The following B3GAT3 variants were observed in gnomAD, a reference collection of about 807,000 sequenced individuals.
B3GAT3 encodes the protein beta-1,3-glucuronyltransferase 3.
A neutral mutation model predicts 33.1 loss-of-function variants in B3GAT3; 19 were observed. The observed-to-expected ratio is 0.57, with a 90% CI of 0.40 to 0.84. The LOEUF is 0.84. B3GAT3 is among the 40% of genes least tolerant of loss of function. The pLI is 0.00. For missense variants in B3GAT3, 344 were observed against 441.5 expected, an observed-to-expected ratio of 0.78 and a Z score of 1.98; for synonymous variants, 167 against 193.5, an observed-to-expected ratio of 0.86 and a Z score of 1.14.
chr11:62,619,079 AGGT>A (rs763390706), intron 2 of B3GAT3, among the ~76,000 whole-genome samples: 36 of 150,966 alleles, frequency 2.4e-4, no homozygotes, highest in Non-Finnish European at 4.9e-4. Flanking sequence ...TGAACCCGGG[AGGT>A]GGAGGTTGCA....
At position 62,617,125 on chromosome 11, in the gene B3GAT3, C is replaced by A. The variant is rs752540533; in HGVS notation, c.480G>T (p.Gln160His). 5.6e-6 allele frequency: 9 copies of A among 1,614,060 alleles called. No individual in the cohort carries two copies. Among genetic ancestry groups the A allele is most frequent in the Non-Finnish European group, 7.6e-6 (9 of 1,180,016 alleles). The change falls in exon 3 of 5, where the codon CAG (glutamine) becomes CAT (histidine). Residue 160 changes from glutamine (Q) to histidine (H), a missense_variant. Physicochemically the swap from Gln to His is conservative, Grantham distance 24. Transcript: ENST00000265471. The part of the protein sequence containing the change: ...PGWVHPRGVE[Q>H]RNKALDWLRG... ...GGAGCCAGTCCAGGGCCTTGTTCCGCTGCTCGACACCACGGGGATGAACCC... is the reference window on the plus strand; with the variant it reads ...GGAGCCAGTCCAGGGCCTTGTTCCGATGCTCGACACCACGGGGATGAACCC...
chr11:62,619,516 AC>A (rs1451918964), intron 2 of B3GAT3, among the ~76,000 whole-genome samples: 3 of 151,934 alleles, frequency 2.0e-5, no homozygotes, highest in Middle Eastern at 3.4e-3. Context: ...CTATTTCTGG[AC>A]CCTAGTATGA....
At chr11:62,616,897 A>T in intron 3 of B3GAT3, 90 bp downstream of exon 3, 1 of 1,612,502 alleles carries the variant, frequency 6.2e-7, no homozygotes, top group South Asian at 1.1e-5. Context: ...CCAGCCCCTC[A>T]CCCAGCAGCC....
intron 4 of B3GAT3, chr11:62,616,017 G>A: frequency 7.2e-7 from 1 of 1,384,130 alleles, no homozygotes; most frequent in South Asian, 1.5e-5. Context: ...GCCGAGGAAG[G>A]CGGATCACGA....
Position 62,617,135 on chromosome 11 carries a change from C to G in B3GAT3, c.470G>C (p.Gly157Ala), listed in dbSNP as rs747073972. Residue 157 changes from glycine to alanine, a missense_variant, in exon 3 of 5, where the codon GGT (glycine) becomes GCT (alanine). Gly to Ala is a moderately conservative substitution (Grantham distance 60). Transcript: ENST00000265471. ...CAGGGCCTTGTTCCGCTGCTCGACA[C>G]CACGGGGATGAACCCAGCCAGGCTC... ...EGEPGWVHPR[G>A]VEQRNKALDW... 6.2e-7 allele frequency: 1 copy of G among 1,614,012 alleles called. No individual in the cohort carries two copies. The highest frequency in any genetic ancestry group is 1.3e-5 in the African/African-American group (1 of 75,032).
Position 62,621,876 on chromosome 11 carries a change from C to A in B3GAT3, c.72G>T (p.Leu24=). The A allele has an allele frequency of 1.2e-6, 2 of 1,612,568 alleles. No homozygotes were observed. Among genetic ancestry groups the A allele is most frequent in the African/African-American group, 1.3e-5 (1 of 74,902 alleles). The change falls in exon 1 of 5, where the codon CTG becomes CTT. Residue 24 remains leucine (L), a synonymous_variant. Transcript: ENST00000265471. ...CCCCGCCCCGCTCACCGAGCTGTAC[C>A]AGCGCGTAGAGGAGGCCGGCGATCG... is the stretch of plus-strand genomic sequence containing the variant. ...LVSIAGLLYA[L]VQLGQPCDCL...
chr11:62,619,372 G>A (rs564537815), intron 2 of B3GAT3, among the ~76,000 whole-genome samples: 3 of 152,034 alleles, frequency 2.0e-5, no homozygotes, highest in African/African-American at 7.3e-5. Flanking sequence ...TATGGCTACA[G>A]ATCCAAAACC....
In B3GAT3 at chr11:62,615,653, C is replaced by A; in HGVS notation, c.*48G>T. On this transcript the variant is annotated 3_prime_UTR_variant, in exon 5 of 5. Coordinates refer to ENST00000265471, the MANE Select transcript of B3GAT3 (RefSeq NM_012200.4). ...CCTGGGCAGGCCTGGGGCCCAGTCC[C>A]ACAAGGTCTGTGCCTGAAAAGAGGT... 1 of 1,595,922 alleles carries A rather than the reference C, an allele frequency of 6.3e-7. No homozygotes were observed. Among genetic ancestry groups the A allele is most frequent in the Non-Finnish European group, 8.5e-7 (1 of 1,172,866 alleles).
At chr11:62,621,574 C>T (rs1449019540) in intron 1 of B3GAT3, among the ~76,000 whole-genome samples, 1 of 152,134 alleles carries the variant, frequency 6.6e-6, no homozygotes, top group Non-Finnish European at 1.5e-5. Context: ...TGTCAGCAAG[C>T]CAGTCTGGCT....
At chr11:62,621,364 G>A (rs756464971) in intron 1 of B3GAT3, 2 of 455,648 alleles carry the variant, frequency 4.4e-6, no homozygotes, top group East Asian at 6.9e-5. Flanking sequence ...AATCAGGATA[G>A]AGAATAAAAG....
intron 1 of B3GAT3, among the ~76,000 whole-genome samples, chr11:62,621,626 G>A (rs1285738688): frequency 6.6e-6 from 1 of 152,236 alleles, no homozygotes; most frequent in Non-Finnish European, 1.5e-5. Flanking sequence ...GGTTGGGAGA[G>A]GCGGACGGCA....
At chr11:62,621,820 G>A in intron 1 of B3GAT3, 46 bp downstream of exon 1, 1 of 1,541,630 alleles carries the variant, frequency 6.5e-7, no homozygotes, top group Non-Finnish European at 8.7e-7. Flanking sequence ...CACGGCGGCG[G>A]GCGCCCTCGG....
chr11:62,619,999 G>T (rs575731524), intron 2 of B3GAT3, among the ~76,000 whole-genome samples: 10 of 152,128 alleles, frequency 6.6e-5, no homozygotes, highest in Admixed American at 3.9e-4. Flanking sequence ...TCTAGAAAAA[G>T]AACTATTTTT....
At chr11:62,620,995 G>A in intron 1 of B3GAT3, 2 of 527,920 alleles carry the variant, frequency 3.8e-6, no homozygotes, top group Non-Finnish European at 7.3e-6. Context: ...TCTTTTCAGA[G>A]TCCAAGGTGC....
chr11:62,615,813 G>A lies in B3GAT3; in HGVS notation c.910-14C>T. 1 of 1,612,842 alleles carries A rather than the reference G, an allele frequency of 6.2e-7. No individual in the cohort carries two copies. Among genetic ancestry groups the A allele is most frequent in the East Asian group, 2.2e-5 (1 of 44,882 alleles). ...CCACACCAGTACCTGTGCCAGGAGG[G>A]ATGCAGTGAGAGCCAGGCCCAGCTG... is the stretch of plus-strand genomic sequence containing the variant. On this transcript the variant is annotated splice_polypyrimidine_tract_variant and intron_variant, in intron 4 of 4. Coordinates refer to ENST00000265471, the MANE Select transcript of B3GAT3 (RefSeq NM_012200.4).
In B3GAT3 at chr11:62,616,477, G is replaced by C. The variant is rs779365015; in HGVS notation, c.909+29C>G. Reference sequence around the variant, plus strand: ...CCATCACCTGTCCATCCAAGAGCCAGGTTTCTATGCCCATCTCCATTCCCT... The same window carrying C: ...CCATCACCTGTCCATCCAAGAGCCACGTTTCTATGCCCATCTCCATTCCCT... On this transcript the variant is annotated intron_variant, in intron 4 of 4. Coordinates refer to ENST00000265471, the MANE Select transcript of B3GAT3 (RefSeq NM_012200.4). The C allele has an allele frequency of 1.9e-6, 3 of 1,613,782 alleles. No homozygotes were observed. The African/African-American group carries it at 4.0e-5, about 22-fold the overall frequency.
chr11:62,618,177 CAAAAAAAAAAA>C (rs150492409), intron 2 of B3GAT3, among the ~76,000 whole-genome samples: 56 of 46,280 alleles, frequency 1.2e-3, no homozygotes, highest in Admixed American at 5.9e-3. Context: ...AACTCTGTCT[CAAAAAAAAAAA>C]AAAAAAAAAA....
At chr11:62,620,474 C>T in intron 2 of B3GAT3, 23 bp downstream of exon 2, 1 of 1,610,068 alleles carries the variant, frequency 6.2e-7, no homozygotes, top group Non-Finnish European at 8.5e-7. Context: ...ACGCAGACCT[C>T]TTGAGTGCAC....
chr11:62,620,172 C>T (rs976466943), intron 2 of B3GAT3, among the ~76,000 whole-genome samples: 1 of 152,084 alleles, frequency 6.6e-6, no homozygotes, highest in Non-Finnish European at 1.5e-5. Flanking sequence ...TATAGGCATG[C>T]GCCACCACGC....
Sources: allele counts gnomAD v4.1 joint callset (sites outside exome capture counted in the v4.1 genomes callset), GRCh38; gene constraint gnomAD v4.1.1; transcripts MANE v1.5; gene names NCBI Gene and HGNC (gene_info 2026-07-23, HGNC 2026-07-21).